The following DHX9 variants were observed in gnomAD, a reference collection of about 807,000 sequenced individuals.
DHX9 encodes the protein DExH-box helicase 9, also known as ATP-dependent RNA helicase A.
Under a neutral mutation model 148.7 loss-of-function variants are expected in DHX9, and 27 were observed. That is an observed-to-expected ratio of 0.18 (90% confidence interval 0.13 to 0.25). The LOEUF is 0.25. Ranked by LOEUF, DHX9 falls within the 10% of genes least tolerant of loss-of-function variation. The pLI, the probability that DHX9 is intolerant of heterozygous loss-of-function variation, is 1.00. For missense variants in DHX9, 796 were observed against 1,559.6 expected, an observed-to-expected ratio of 0.51 and a Z score of 8.25; for synonymous variants, 529 against 516.6, an observed-to-expected ratio of 1.02 and a Z score of -0.33.
chr1:182,851,233 G>A (rs1488634019), intron 3 of DHX9, among the ~76,000 whole-genome samples: 1 of 152,152 alleles, frequency 6.6e-6, no homozygotes, highest in Non-Finnish European at 1.5e-5. Flanking sequence ...CATTAGACAT[G>A]TTGCTATATA....
At chr1:182,839,515 G>A (rs1667872380) in intron 1 of DHX9, 59 bp downstream of exon 1, 1 of 153,206 alleles carries the variant, frequency 6.5e-6, no homozygotes, top group African/African-American at 2.4e-5. Flanking sequence ...CGGGCGCCGT[G>A]GACCATGGCT....
chr1:182,842,728 G>C, intron 2 of DHX9, 51 bp downstream of exon 2: 1 of 1,440,090 alleles, frequency 6.9e-7, no homozygotes, highest in Non-Finnish European at 9.5e-7. Flanking sequence ...TTCATTTTGG[G>C]GTTAAAAGAA....
intron 4 of DHX9, among the ~76,000 whole-genome samples, 190 bp from the exon 5 acceptor site, chr1:182,853,116 G>A (rs556622394): frequency 1.5e-4 from 23 of 151,790 alleles, no homozygotes; most frequent in South Asian, 8.3e-4. Flanking sequence ...TAGTAGAGAC[G>A]GGGTTTCACT....
chr1:182,861,886 A>AGT (rs1033626566), intron 12 of DHX9, among the ~76,000 whole-genome samples: 21 of 152,222 alleles, frequency 1.4e-4, no homozygotes, highest in African/African-American at 4.8e-4. Context: ...ATTGTGTCCT[A>AGT]GTATGTACTT....
At chr1:182,842,803 C>T (rs1231314533) in intron 2 of DHX9, 126 bp downstream of exon 2, 3 of 611,732 alleles carry the variant, frequency 4.9e-6, no homozygotes, top group Non-Finnish European at 5.5e-6. Flanking sequence ...TTTATTGTGA[C>T]TTGACTGCTA....
chr1:182,840,241 C>T (rs1426320050), intron 1 of DHX9, among the ~76,000 whole-genome samples: 2 of 147,566 alleles, frequency 1.4e-5, no homozygotes, highest in Non-Finnish European at 1.5e-5. Flanking sequence ...AGCAGAAATG[C>T]GTAGTGGTGG....
intron 14 of DHX9, 123 bp from the exon 15 acceptor site, chr1:182,872,214 C>A (rs1648579249): frequency 1.3e-6 from 1 of 766,820 alleles, no homozygotes; most frequent in African/African-American, 1.7e-5. Context: ...TATCTTGGCA[C>A]TTCTGTGAGT....
intron 3 of DHX9, among the ~76,000 whole-genome samples, chr1:182,850,366 A>C (rs1410869353): frequency 6.6e-6 from 1 of 152,142 alleles, no homozygotes; most frequent in Non-Finnish European, 1.5e-5. Flanking sequence ...AGATAGAGGC[A>C]GGAGGATCTC....
intron 26 of DHX9, 87 bp from the exon 27 acceptor site, chr1:182,884,526 A>G (rs1304963433): frequency 4.2e-6 from 5 of 1,179,970 alleles, no homozygotes; most frequent in South Asian, 2.6e-5. Context: ...AATTTATTCT[A>G]TAATGTGCCA....
In DHX9 at chr1:182,867,079, TCTG is replaced by T. The variant is rs751057903; in HGVS notation, c.1557+39_1557+41del. ...TGAGAGGTACAGTAAGGTACTTAATTCTGCTATTTCTAAGAGAAATCAGTAGAA... is the reference window on the plus strand; with the variant it reads ...TGAGAGGTACAGTAAGGTACTTAATTCTATTTCTAAGAGAAATCAGTAGAA... On this transcript the variant is annotated intron_variant, in intron 14 of 27. Coordinates refer to ENST00000367549, the MANE Select transcript of DHX9 (RefSeq NM_001357.5). 4.6e-6 allele frequency: 6 copies of T among 1,294,868 alleles called. No individual in the cohort carries two copies. In the South Asian group the frequency reaches 7.7e-5, roughly 17 times the overall value. 80.2% of individuals were successfully genotyped at this position (1,294,868 alleles called of 1,614,324 possible). A position where few individuals can be genotyped will look rare whatever the true frequency, so the allele number is the denominator to read the frequency against.
rs760450901 is a variant in DHX9, at chr1:182,860,203, A to G, written c.1332+19A>G. 2.8e-5 allele frequency: 44 copies of G among 1,546,290 alleles called. No individual in the cohort carries two copies. The highest frequency in any genetic ancestry group is 3.6e-5 in the Non-Finnish European group (41 of 1,145,604). On this transcript the variant is annotated intron_variant, in intron 12 of 27. Transcript: ENST00000367549. ...AACTCAGGTAAGTGGTAAACCAACC[A>G]TGAAATACCTAGAGAGCAGACTATT...
rs1668196874 is a variant in DHX9, at chr1:182,853,500, A to G, written c.477+82A>G. ...AGCAAAGCTTAGGATTAGGATATTC[A>G]CAAGTTAATAATTGGGTGCATCTTT... On this transcript the variant is annotated intron_variant, in intron 5 of 27. Transcript: ENST00000367549. The G allele has an allele frequency of 3.9e-6, 4 of 1,016,146 alleles. No individual in the cohort carries two copies. In the South Asian group the frequency reaches 6.0e-5, roughly 15 times the overall value. The allele number at this position is 1,016,146 out of a possible 1,614,324, so 62.9% of individuals were successfully genotyped here. A position where few individuals can be genotyped will look rare whatever the true frequency, so the allele number is the denominator to read the frequency against.
At chr1:182,854,964 T>C (rs894666879) in intron 6 of DHX9, among the ~76,000 whole-genome samples, 4 of 152,220 alleles carry the variant, frequency 2.6e-5, no homozygotes, top group Non-Finnish European at 2.9e-5. Context: ...TCCGTACTTA[T>C]GAAATAAATT....
In DHX9 at chr1:182,843,289, T is replaced by TA. The variant is rs778287466; in HGVS notation, c.112-2dup. The TA allele has an allele frequency of 2.5e-5, 38 of 1,530,074 alleles. No individual in the cohort carries two copies. The highest frequency in any genetic ancestry group is 1.4e-4 in the East Asian group (6 of 42,384). The allele number at this position is 1,530,074 out of a possible 1,614,324, so 94.8% of individuals were successfully genotyped here. On this transcript the variant is annotated splice_polypyrimidine_tract_variant and splice_region_variant and intron_variant, in intron 2 of 27. Coordinates refer to ENST00000367549, the MANE Select transcript of DHX9 (RefSeq NM_001357.5). ...GTCTCTTAGTACTTTTTTTTTTTTTTAAAGGTTCAGGTGGAAGGTTATAAT... is the reference window on the plus strand; with the variant it reads ...GTCTCTTAGTACTTTTTTTTTTTTTTAAAAGGTTCAGGTGGAAGGTTATAAT...
chr1:182,868,932 T>C (rs1167088603), intron 14 of DHX9, among the ~76,000 whole-genome samples: 1 of 152,228 alleles, frequency 6.6e-6, no homozygotes, highest in East Asian at 1.9e-4. Context: ...ATTTTTGCTC[T>C]TTTGTCCTTT....
intron 6 of DHX9, chr1:182,855,681 G>A (rs1668239162): frequency 2.0e-6 from 2 of 985,298 alleles, no homozygotes; most frequent in Non-Finnish European, 2.4e-6. Context: ...GAAAGCCAGT[G>A]GCCTTTGACC....
chr1:182,858,111 T>C lies in DHX9; in HGVS notation c.681T>C (p.Phe227=), dbSNP rs1346628821. The C allele has an allele frequency of 6.2e-7, 1 of 1,611,450 alleles. No individual in the cohort carries two copies. The highest frequency in any genetic ancestry group is 8.5e-7 in the Non-Finnish European group (1 of 1,179,472). Residue 227 remains phenylalanine, a synonymous_variant, in exon 8 of 28, where the codon TTT becomes TTC. Transcript: ENST00000367549. ...CCTGACCTTACATTATAGGGATTTT[T>C]GCACGAGAACATGGATCAAATAAGA... The part of the protein sequence containing the change: ...IYIKQLGRRI[F]AREHGSNKKL...
At chr1:182,871,284 C>T (rs75920329) in intron 14 of DHX9, among the ~76,000 whole-genome samples, 105 of 152,216 alleles carry the variant, frequency 6.9e-4, no homozygotes, top group Non-Finnish European at 1.3e-3. Flanking sequence ...TGGAGATACT[C>T]AATCTCATTG....
At position 182,860,224 on chromosome 1, in the gene DHX9, C is replaced by G. The variant is rs150822704; in HGVS notation, c.1332+40C>G. 9.5e-5 allele frequency: 136 copies of G among 1,430,304 alleles called. 3 individuals carry two copies. The African/African-American group carries it at 1.6e-3, about 17-fold the overall frequency. 88.6% of individuals were successfully genotyped at this position (1,430,304 alleles called of 1,614,324 possible). On this transcript the variant is annotated intron_variant, in intron 12 of 27. Transcript: ENST00000367549. ...AACCATGAAATACCTAGAGAGCAGA[C>G]TATTTCTGATTCTTTCTTTGATTAA...
Sources: gnomAD v4.1 joint callset for allele counts (sites outside exome capture counted in the v4.1 genomes callset) on GRCh38, gnomAD v4.1.1 for gene constraint, MANE v1.5 for transcripts, NCBI Gene and HGNC (gene_info 2026-07-23, HGNC 2026-07-21) for gene names.